The following CNTNAP2 variants were observed in gnomAD, a reference collection of about 807,000 sequenced individuals.
CNTNAP2 encodes the protein contactin-associated protein-like 2.
In CNTNAP2, 98 loss-of-function variants were observed where a neutral mutation model predicts 155.2. That is an observed-to-expected ratio of 0.63 (90% CI 0.54 to 0.75). CNTNAP2 has a LOEUF of 0.75. Among genes scored for constraint, CNTNAP2 ranks in the 30% least tolerant of loss-of-function variants. The pLI, the probability that CNTNAP2 is intolerant of heterozygous loss-of-function variation, is 0.00. For synonymous variants in CNTNAP2, 651 were observed against 631.2 expected (o/e 1.03, Z -0.47); for missense variants, 1,727 against 1,688.1 (o/e 1.02, Z -0.40).
At chr7:148,356,117 TA>T (rs1294113419) in intron 21 of CNTNAP2, among the ~76,000 whole-genome samples, 1 of 150,392 alleles carries the variant, frequency 6.6e-6, no homozygotes, top group African/African-American at 2.5e-5. Context: ...TCACAACTTT[TA>T]AAAATTTTCC....
intron 9 of CNTNAP2, among the ~76,000 whole-genome samples, chr7:147,383,649 T>C (rs1013064812): frequency 6.6e-6 from 1 of 151,942 alleles, no homozygotes; most frequent in Admixed American, 6.6e-5. Flanking sequence ...GGGAGAGCAT[T>C]AAGACAAATA....
chr7:147,259,522 G>A (rs1172629280), intron 8 of CNTNAP2, among the ~76,000 whole-genome samples: 1 of 152,144 alleles, frequency 6.6e-6, no homozygotes, highest in African/African-American at 2.4e-5. Flanking sequence ...ATATTTTTAA[G>A]ATATATGAAT....
At chr7:147,522,916 TG>T (rs1799255254) in intron 11 of CNTNAP2, among the ~76,000 whole-genome samples, 1 of 152,194 alleles carries the variant, frequency 6.6e-6, no homozygotes, top group Non-Finnish European at 1.5e-5. Flanking sequence ...ATAACAAACT[TG>T]TAAACCAACA....
chr7:148,300,665 A>G (rs1797369868), intron 21 of CNTNAP2, among the ~76,000 whole-genome samples: 2 of 152,148 alleles, frequency 1.3e-5, no homozygotes, highest in South Asian at 4.1e-4. Context: ...AAAAAGGTGG[A>G]AAGAACCAAG....
chr7:146,972,421 TTTA>T (rs1344489942), intron 3 of CNTNAP2, among the ~76,000 whole-genome samples: 2 of 151,044 alleles, frequency 1.3e-5, no homozygotes, highest in Admixed American at 6.5e-5. Flanking sequence ...ACATTTGTGT[TTTA>T]TTTTAATGAA....
chr7:147,566,118 C>CAAAAAAAAA (rs59352888), intron 12 of CNTNAP2, among the ~76,000 whole-genome samples: 19 of 107,290 alleles, frequency 1.8e-4, no homozygotes, highest in Middle Eastern at 4.7e-3. Context: ...CTATCTCTAC[C>CAAAAAAAAA]AAAAAAAAAA....
At chr7:146,227,724 G>T (rs1799319634) in intron 1 of CNTNAP2, among the ~76,000 whole-genome samples, 1 of 152,128 alleles carries the variant, frequency 6.6e-6, no homozygotes. Flanking sequence ...TTGATTGGTG[G>T]TTCAGGGATA....
chr7:147,326,015 T>C (rs563072470), intron 9 of CNTNAP2, among the ~76,000 whole-genome samples: 5 of 152,276 alleles, frequency 3.3e-5, no homozygotes, highest in African/African-American at 4.8e-5. Flanking sequence ...CTCCACCTCC[T>C]GGGTTCATGC....
At chr7:148,213,684 G>A (rs1328852611) in intron 18 of CNTNAP2, among the ~76,000 whole-genome samples, 2 of 152,012 alleles carry the variant, frequency 1.3e-5, no homozygotes. Context: ...TCTCTCTGTG[G>A]CAAACTGAAC....
rs530859663 is a variant in CNTNAP2 at position 147,733,876 on chromosome 7, AC to A, written c.2098+94571del. Among the ~76,000 whole-genome samples the A allele has an allele frequency of 3.8e-3, 576 of 152,280 alleles. 5 individuals carry two copies. The highest frequency in any genetic ancestry group is 0.013 in the African/African-American group (546 of 41,556). The stretch of plus-strand genomic sequence containing the variant: ...TTGCACATTGATTTTGTATCCTGAG[AC>A]TTTGCTGAAATTGCTTATCAGCTTA... On this transcript the variant is annotated intron_variant, in intron 13 of 23. Coordinates refer to ENST00000361727, the MANE Select transcript of CNTNAP2 (RefSeq NM_014141.6).
At chr7:146,984,367 CAAAAA>C (rs34062629) in intron 3 of CNTNAP2, among the ~76,000 whole-genome samples, 147 of 94,090 alleles carry the variant, frequency 1.6e-3, no homozygotes, top group Non-Finnish European at 2.4e-3. Context: ...AACCCCATCT[CAAAAA>C]AAAAAAAAAA....
intron 10 of CNTNAP2, among the ~76,000 whole-genome samples, chr7:147,455,516 A>C (rs1233278481): frequency 6.6e-6 from 1 of 152,128 alleles, no homozygotes; most frequent in East Asian, 1.9e-4. Flanking sequence ...TTCTGTCTTC[A>C]TCATCTCAGT....
intron 15 of CNTNAP2, among the ~76,000 whole-genome samples, chr7:148,094,104 GTAA>G (rs1803910761): frequency 6.6e-6 from 1 of 152,216 alleles, no homozygotes; most frequent in Non-Finnish European, 1.5e-5. Context: ...GAGAAAGGGA[GTAA>G]GAGTACAGGC....
chr7:147,931,072 A>G (rs1270987612), intron 14 of CNTNAP2, among the ~76,000 whole-genome samples: 1 of 152,124 alleles, frequency 6.6e-6, no homozygotes, highest in East Asian at 1.9e-4. Context: ...GTATAGTAAT[A>G]AACAGCTGCA....
chr7:147,942,036 A>T (rs1800732527), intron 14 of CNTNAP2, among the ~76,000 whole-genome samples: 1 of 152,176 alleles, frequency 6.6e-6, no homozygotes, highest in South Asian at 2.1e-4. Context: ...CTTTTAAGAC[A>T]CGTTTATTTT....
chr7:146,259,910 A>G (rs1799895270), intron 1 of CNTNAP2, among the ~76,000 whole-genome samples: 1 of 152,232 alleles, frequency 6.6e-6, no homozygotes, highest in African/African-American at 2.4e-5. Flanking sequence ...AGGCCACATC[A>G]GAGATCTTGA....
At chr7:146,607,535 G>A (rs1460474195) in intron 1 of CNTNAP2, among the ~76,000 whole-genome samples, 1 of 152,072 alleles carries the variant, frequency 6.6e-6, no homozygotes, top group East Asian at 1.9e-4. Flanking sequence ...GGAGTACAGT[G>A]GTGCAATCAT....
At chr7:147,005,223 T>C (rs1003826036) in intron 3 of CNTNAP2, among the ~76,000 whole-genome samples, 3 of 152,064 alleles carry the variant, frequency 2.0e-5, no homozygotes, top group African/African-American at 7.2e-5. Flanking sequence ...TCCACGGGAA[T>C]AGGAATATTT....
chr7:146,696,659 C>T (rs1329250430), intron 1 of CNTNAP2, among the ~76,000 whole-genome samples: 1 of 152,034 alleles, frequency 6.6e-6, no homozygotes, highest in Non-Finnish European at 1.5e-5. Context: ...GCATTCAGTG[C>T]TACAAATTTC....
Sources: allele counts gnomAD v4.1 joint callset (sites outside exome capture counted in the v4.1 genomes callset), GRCh38; gene constraint gnomAD v4.1.1; transcripts MANE v1.5; gene names NCBI Gene and HGNC (gene_info 2026-07-23, HGNC 2026-07-21).